Variants in FN1 observed in about 807,000 individuals in gnomAD.
FN1 encodes fibronectin.
In FN1, 106 loss-of-function variants were observed where a neutral mutation model predicts 297.3. That is an observed-to-expected ratio of 0.36 (90% CI 0.30 to 0.42). The LOEUF (loss-of-function observed/expected upper bound fraction) is 0.42, where lower values mean the gene tolerates loss of function less well. FN1 is among the 10% of genes least tolerant of loss of function. FN1 has a pLI of 1.00. For missense variants in FN1, 2,690 were observed against 3,124.9 expected (o/e 0.86, Z 3.32); for synonymous variants, 1,149 against 1,152.6 (o/e 1.00, Z 0.06).
intron 26 of FN1, among the ~76,000 whole-genome samples, 197 bp from the exon 27 acceptor site, chr2:215,388,498 AC>A (rs2059310348): frequency 6.6e-6 from 1 of 152,244 alleles, no homozygotes; most frequent in Non-Finnish European, 1.5e-5. Context: ...AGGAAGGGTC[AC>A]CTTGCCCCAT....
At chr2:215,427,555 C>A (rs1172398132) in intron 6 of FN1, among the ~76,000 whole-genome samples, 1 of 152,110 alleles carries the variant, frequency 6.6e-6, no homozygotes, top group Admixed American at 6.5e-5. Flanking sequence ...TCTTTCATGG[C>A]CATCTCTAAG....
rs368183480 is a variant in FN1, at chr2:215,375,178, G to C, written c.6157+36C>G. 4 of 1,603,688 alleles carry C rather than the reference G, an allele frequency of 2.5e-6. No individual in the cohort carries two copies. In the South Asian group the frequency reaches 3.3e-5, roughly 13 times the overall value. On this transcript the variant is annotated intron_variant, in intron 38 of 45. Transcript: ENST00000354785. ...CTAAGGACTTCATGTGTCCTAGGTA[G>C]TAAGAAGGAAAATGACAGCATGGAA...
chr2:215,428,475 G>T, intron 5 of FN1, 137 bp from the exon 6 acceptor site: 1 of 758,748 alleles, frequency 1.3e-6, no homozygotes, highest in Non-Finnish European at 2.3e-6. Context: ...GGTGCTGCAA[G>T]GTATTACACT....
intron 24 of FN1, 182 bp from the exon 25 acceptor site, chr2:215,393,385 GT>G: frequency 1.9e-6 from 1 of 525,576 alleles, no homozygotes; most frequent in Non-Finnish European, 3.3e-6. Context: ...ATCATGAACA[GT>G]TTGCTTCCCT....
intron 17 of FN1, 152 bp downstream of exon 17, chr2:215,407,956 A>AC (rs2062007681): frequency 2.7e-4 from 9 of 33,286 alleles, no homozygotes; most frequent in Non-Finnish European, 3.1e-4. Flanking sequence ...CACCCCCGCC[A>AC]CACACACACA....
chr2:215,414,896 T>C lies in FN1; in HGVS notation c.1882A>G (p.Ile628Val). ...ETPSQPNSHP[I>V]QWNAPQPSHI... ...GATGGCTGTGGTGCATTCCACTGGATGGGGTGGGAGTTGGGCTGACTCGGA... is the reference window on the plus strand; with the variant it reads ...GATGGCTGTGGTGCATTCCACTGGACGGGGTGGGAGTTGGGCTGACTCGGA... The change falls in exon 13 of 46, where the codon ATC (isoleucine) becomes GTC (valine). Residue 628 changes from isoleucine (I) to valine (V), a missense_variant. Ile to Val is a conservative substitution (Grantham distance 29, BLOSUM62 3). This residue lies in a region of FN1 where 876 missense variants were observed against 1,058.1 expected (regional missense o/e 0.83). Transcript: ENST00000354785. 1 of 1,613,770 alleles carries C rather than the reference T, an allele frequency of 6.2e-7. No homozygotes were observed. Among genetic ancestry groups the C allele is most frequent in the Non-Finnish European group, 8.5e-7 (1 of 1,179,752 alleles).
At chr2:215,364,280 G>A (rs1056192648) in intron 44 of FN1, 11 of 177,298 alleles carry the variant, frequency 6.2e-5, no homozygotes, top group African/African-American at 4.8e-5. Context: ...GTTAAAAGAA[G>A]TGGCATTTTC....
At position 215,376,479 on chromosome 2, in the gene FN1, G is replaced by C. The variant is rs772487987; in HGVS notation, c.5887+19C>G. On this transcript the variant is annotated intron_variant, in intron 36 of 45. Transcript: ENST00000354785. ...GGGTATTTGTTAACAAATGTGGTTA[G>C]TGCAATGAGTTCCCTGACCTGTGAT... 2 of 1,610,816 alleles carry C rather than the reference G, an allele frequency of 1.2e-6. No homozygotes were observed. The highest frequency in any genetic ancestry group is 1.7e-5 in the Admixed American group (1 of 60,004).
Position 215,408,153 on chromosome 2 carries a change from T to C in FN1, c.2473A>G (p.Thr825Ala), listed in dbSNP as rs1159550848. 1 of 1,613,972 alleles carries C rather than the reference T, an allele frequency of 6.2e-7. No individual in the cohort carries two copies. Among genetic ancestry groups the C allele is most frequent in the Non-Finnish European group, 8.5e-7 (1 of 1,179,998 alleles). Residue 825 changes from threonine (T) to alanine (A), a missense_variant, in exon 17 of 46, where the codon ACC (threonine) becomes GCC (alanine). This residue lies in a region of FN1 where 876 missense variants were observed against 1,058.1 expected (regional missense o/e 0.83). Transcript: ENST00000354785. The part of the protein sequence containing the change: ...PDTTVDQVDD[T>A]SIVVRWSRPQ... ...CTGCTCCAGCGAACAACAATTGAGGTGTCATCAACTTGGTCCACAGTCGTG... is the reference window on the plus strand; with the variant it reads ...CTGCTCCAGCGAACAACAATTGAGGCGTCATCAACTTGGTCCACAGTCGTG...
chr2:215,407,954 CCACACACA>C (rs72346185), intron 17 of FN1, among the ~76,000 whole-genome samples, 146 bp downstream of exon 17: 4 of 133,610 alleles, frequency 3.0e-5, no homozygotes, highest in Non-Finnish European at 4.8e-5. Flanking sequence ...CCCACCCCCG[CCACACACA>C]CACACACACA....
intron 2 of FN1, among the ~76,000 whole-genome samples, chr2:215,434,126 C>A (rs1194737224): frequency 6.6e-6 from 1 of 152,072 alleles, no homozygotes; most frequent in Non-Finnish European, 1.5e-5. Context: ...CAAAAACAAA[C>A]AAACAATTCG....
At position 215,371,271 on chromosome 2, in the gene FN1, G is replaced by A. The variant is rs200061125; in HGVS notation, c.6714+638C>T. The stretch of plus-strand genomic sequence containing the variant: ...CCATAGAGCAAGACTCCATCTCGGG[G>A]AAAAAAAAAAATGGATACTGTCAAC... On this transcript the variant is annotated intron_variant, in intron 40 of 45. Transcript: ENST00000354785. Among the ~76,000 whole-genome samples, 1,419 of 146,956 alleles carry A rather than the reference G, an allele frequency of 9.7e-3. 27 individuals are homozygous for A. The highest frequency in any genetic ancestry group is 0.033 in the African/African-American group (1,310 of 40,082).
In FN1 at chr2:215,386,716, G is replaced by C. The variant is rs1487598533; in HGVS notation, c.4585C>G (p.Pro1529Ala). ...GTTGATTGTTGGCCAATCAATAAGG[G>C]ACTTTCCTCTCTGCCATTAAGAGCA... ...IVALNGREESPLLIGQQSTVS... is the reference protein window; with the variant it reads ...IVALNGREESALLIGQQSTVS... Residue 1529 changes from proline (P) to alanine (A), a missense_variant, in exon 28 of 46, where the codon CCC becomes GCC. Pro to Ala is a conservative substitution (Grantham distance 27). Transcript: ENST00000354785. 2 of 1,613,842 alleles carry C rather than the reference G, an allele frequency of 1.2e-6. No homozygotes were observed. Among genetic ancestry groups the C allele is most frequent in the Admixed American group, 3.3e-5 (2 of 59,994 alleles).
intron 13 of FN1, among the ~76,000 whole-genome samples, chr2:215,413,441 C>A (rs1575679806): frequency 6.6e-6 from 1 of 152,186 alleles, no homozygotes; most frequent in Admixed American, 6.5e-5. Context: ...ATTATACATT[C>A]CTCCACCTGA....
chr2:215,373,534 G>T, intron 38 of FN1, 123 bp from the exon 39 acceptor site: 1 of 792,180 alleles, frequency 1.3e-6, no homozygotes, highest in South Asian at 1.4e-5. Flanking sequence ...TTGGCCTCTT[G>T]AAGGTAAAAT....
At position 215,372,379 on chromosome 2, in the gene FN1, G is replaced by T. The variant is rs1176684031; in HGVS notation, c.6248-4C>A. On this transcript the variant is annotated splice_polypyrimidine_tract_variant and splice_region_variant and intron_variant, in intron 39 of 45. Coordinates refer to ENST00000354785, the MANE Select transcript of FN1 (RefSeq NM_212482.4). ...GTTACCAGTTGGGGAAGCTCGTCTAGCCGAGAGAGGTTAGAGCCAAAAAAG... is the reference window on the plus strand; with the variant it reads ...GTTACCAGTTGGGGAAGCTCGTCTATCCGAGAGAGGTTAGAGCCAAAAAAG... The T allele has an allele frequency of 6.2e-7, 1 of 1,612,616 alleles. No homozygotes were observed. Among genetic ancestry groups the T allele is most frequent in the African/African-American group, 1.3e-5 (1 of 74,888 alleles).
chr2:215,386,332 CT>C (rs2058980742), intron 28 of FN1, among the ~76,000 whole-genome samples: 1 of 152,050 alleles, frequency 6.6e-6, no homozygotes, highest in Non-Finnish European at 1.5e-5. Flanking sequence ...CCATTTCGGC[CT>C]CCCAAAGTGC....
chr2:215,407,084 T>C, intron 18 of FN1, 43 bp downstream of exon 18: 1 of 1,461,128 alleles, frequency 6.8e-7, no homozygotes, highest in African/African-American at 1.4e-5. Flanking sequence ...TCAGGAACAA[T>C]CCTGATAAGA....
At chr2:215,422,875 C>G (rs535208126) in intron 9 of FN1, among the ~76,000 whole-genome samples, 1 of 152,134 alleles carries the variant, frequency 6.6e-6, no homozygotes, top group Non-Finnish European at 1.5e-5. Flanking sequence ...AGATTCCCTA[C>G]CTGTTAGAAA....
Sources: allele counts gnomAD v4.1 joint callset (sites outside exome capture counted in the v4.1 genomes callset), GRCh38; gene constraint gnomAD v4.1.1; regional missense constraint gnomAD v4.1.1; transcripts MANE v1.5; gene names NCBI Gene and HGNC (gene_info 2026-07-23, HGNC 2026-07-21).